The following MAST4 variants were observed in gnomAD, a reference collection of about 807,000 sequenced individuals.
The protein encoded by MAST4 is microtubule associated serine/threonine kinase family member 4, also known as microtubule-associated serine/threonine-protein kinase 4.
A neutral mutation model predicts 162.7 loss-of-function variants in MAST4; 89 were observed. The ratio of observed to expected loss-of-function variants is 0.55; its 90% confidence interval spans 0.46 to 0.65. The LOEUF (loss-of-function observed/expected upper bound fraction) is 0.65, where lower values mean the gene tolerates loss of function less well. Ranked by LOEUF, MAST4 falls within the 30% of genes least tolerant of loss-of-function variation. The probability of loss-of-function intolerance (pLI) is 0.00; values close to 1 mark genes in which losing one functional copy is unlikely to be tolerated. For synonymous variants in MAST4, 1,479 were observed against 1,361.1 expected, an observed-to-expected ratio of 1.09 and a Z score of -1.91; for missense variants, 3,153 against 3,374.0, an observed-to-expected ratio of 0.93 and a Z score of 1.62.
In MAST4 at chr5:67,104,455, T is replaced by C; in HGVS notation, c.1236T>C (p.Ser412=). 8 of 1,613,944 alleles carry C rather than the reference T, an allele frequency of 5.0e-6. No individual in the cohort carries two copies. The highest frequency in any genetic ancestry group is 6.8e-6 in the Non-Finnish European group (8 of 1,179,818). The change falls in exon 10 of 29, where the codon AGT becomes AGC. Residue 412 remains serine (S), a synonymous_variant. Coordinates refer to ENST00000403625, the MANE Select transcript of MAST4 (RefSeq NM_001164664.2). ...TACCCTTAGCAGATGGAGTGCTTAG[T>C]TTCACTCACCACCAGATTATTGAAC... The part of the protein sequence containing the change: ...NVLPLADGVL[S]FTHHQIIELA...
At chr5:66,639,045 A>G (rs1181167812) in intron 1 of MAST4, among the ~76,000 whole-genome samples, 1 of 152,190 alleles carries the variant, frequency 6.6e-6, no homozygotes, top group Non-Finnish European at 1.5e-5. Flanking sequence ...TAGCATGTAG[A>G]TGATATTTAA....
intron 1 of MAST4, among the ~76,000 whole-genome samples, chr5:66,624,851 A>G (rs1328157180): frequency 6.6e-6 from 1 of 152,248 alleles, no homozygotes; most frequent in African/African-American, 2.4e-5. Context: ...GGTCACAGAA[A>G]TCAACTCAAA....
chr5:67,095,526 C>T (rs929190043), intron 6 of MAST4, 71 bp from the exon 7 acceptor site: 2 of 1,172,420 alleles, frequency 1.7e-6, no homozygotes, highest in Non-Finnish European at 1.2e-6. Context: ...ACTAAAAATA[C>T]TTAGTTTCCC....
intron 3 of MAST4, among the ~76,000 whole-genome samples, chr5:66,820,249 A>T (rs149005127): frequency 2.0e-5 from 3 of 152,224 alleles, no homozygotes; most frequent in African/African-American, 7.2e-5. Context: ...ATCTCTAGGT[A>T]TATCTTTTCA....
At chr5:66,664,448 A>AAAAG (rs1333071783) in intron 1 of MAST4, among the ~76,000 whole-genome samples, 14 of 149,434 alleles carry the variant, frequency 9.4e-5, no homozygotes, top group Non-Finnish European at 1.3e-4. Flanking sequence ...AAAAAAAAAA[A>AAAAG]AAAAGAAAAT....
chr5:66,761,385 T>C (rs1753843214), intron 2 of MAST4, among the ~76,000 whole-genome samples: 1 of 152,234 alleles, frequency 6.6e-6, no homozygotes, highest in Non-Finnish European at 1.5e-5. Context: ...TTGTATGTTA[T>C]TAACTATATA....
At chr5:67,095,413 A>G (rs1205273328) in intron 6 of MAST4, among the ~76,000 whole-genome samples, 184 bp from the exon 7 acceptor site, 1 of 152,118 alleles carries the variant, frequency 6.6e-6, no homozygotes, top group African/African-American at 2.4e-5. Flanking sequence ...GGTTGTATTG[A>G]TTCAGTTTAA....
chr5:67,134,415 G>A (rs930982549), intron 17 of MAST4, 108 bp from the exon 18 acceptor site: 1 of 844,924 alleles, frequency 1.2e-6, no homozygotes, highest in Non-Finnish European at 1.8e-6. Flanking sequence ...GTGGTTCCAT[G>A]TGGTTGAGCA....
At chr5:66,737,196 G>A (rs2149565613) in intron 1 of MAST4, among the ~76,000 whole-genome samples, 1 of 152,314 alleles carries the variant, frequency 6.6e-6, no homozygotes, top group South Asian at 2.1e-4. Context: ...GCAGTCCTCT[G>A]ATGGTTTGAC....
chr5:66,949,867 T>C (rs1173769617), intron 4 of MAST4, among the ~76,000 whole-genome samples: 2 of 152,314 alleles, frequency 1.3e-5, no homozygotes, highest in African/African-American at 4.8e-5. Context: ...AAATCCTAGA[T>C]GGCATGATGC....
At chr5:66,599,773 G>A (rs929791204) in intron 1 of MAST4, among the ~76,000 whole-genome samples, 4 of 152,150 alleles carry the variant, frequency 2.6e-5, no homozygotes, top group African/African-American at 9.7e-5. Context: ...CAGTTATTTT[G>A]TGACAAGGCG....
intron 2 of MAST4, among the ~76,000 whole-genome samples, chr5:66,771,324 G>T (rs1754348315): frequency 1.3e-5 from 2 of 151,696 alleles, no homozygotes; most frequent in African/African-American, 4.8e-5. Context: ...AGCTGGGACT[G>T]CAGGCACCCG....
intron 4 of MAST4, among the ~76,000 whole-genome samples, chr5:66,962,279 T>C (rs565205236): frequency 4.6e-5 from 7 of 152,340 alleles, no homozygotes; most frequent in African/African-American, 1.7e-4. Flanking sequence ...TAACATTCTT[T>C]AAGAAACTCT....
rs774394019 is a variant in MAST4 at position 67,130,385 on chromosome 5, C to T, written c.1921C>T (p.Arg641Cys). The change falls in exon 15 of 29, where the codon CGC becomes TGC. Residue 641 changes from arginine to cysteine, a missense_variant. Arg to Cys is a radical substitution (Grantham distance 180, BLOSUM62 -3). Around this residue, in one of 7 missense-constraint regions of MAST4, gnomAD observed 131 missense variants for 253.8 expected, o/e 0.52. Coordinates refer to ENST00000403625, the MANE Select transcript of MAST4 (RefSeq NM_001164664.2). ...CATGTATTGCTCCTTTGAAACAAGG[C>T]GCCACTTGTGCATGGTCATGGAATA... is the stretch of plus-strand genomic sequence containing the variant. ...VSMYCSFETR[R>C]HLCMVMEYVE... 10 of 1,613,916 alleles carry T rather than the reference C, an allele frequency of 6.2e-6. No individual in the cohort carries two copies. The highest frequency in any genetic ancestry group is 1.1e-5 in the South Asian group (1 of 91,082).
intron 4 of MAST4, among the ~76,000 whole-genome samples, chr5:66,948,291 G>A (rs1236017315): frequency 6.6e-6 from 1 of 152,174 alleles, no homozygotes; most frequent in Non-Finnish European, 1.5e-5. Context: ...AGATACGTGT[G>A]CAATCTGATT....
At chr5:66,937,413 C>G (rs559027570) in intron 4 of MAST4, among the ~76,000 whole-genome samples, 6 of 152,264 alleles carry the variant, frequency 3.9e-5, no homozygotes, top group African/African-American at 1.4e-4. Flanking sequence ...AGGCATGGAA[C>G]AAATGTTAAT....
intron 2 of MAST4, among the ~76,000 whole-genome samples, chr5:66,765,962 A>G (rs983960445): frequency 3.0e-4 from 46 of 152,224 alleles, no homozygotes; most frequent in Admixed American, 2.2e-3. Context: ...GAAGGTCCAC[A>G]GCTTGCTAAA....
At chr5:66,977,566 G>A (rs959161181) in intron 4 of MAST4, among the ~76,000 whole-genome samples, 18 of 152,122 alleles carry the variant, frequency 1.2e-4, no homozygotes, top group Non-Finnish European at 2.9e-5. Context: ...GCATGATCTT[G>A]TTTATTCAGT....
intron 4 of MAST4, among the ~76,000 whole-genome samples, chr5:67,010,555 C>A (rs890423557): frequency 6.6e-6 from 1 of 152,080 alleles, no homozygotes; most frequent in African/African-American, 2.4e-5. Context: ...ATAATAAACA[C>A]GGGACTTACT....
Sources: gnomAD v4.1 joint callset for allele counts (sites outside exome capture counted in the v4.1 genomes callset) on GRCh38, gnomAD v4.1.1 for gene constraint, gnomAD v4.1.1 regional missense constraint, MANE v1.5 for transcripts, NCBI Gene and HGNC (gene_info 2026-07-23, HGNC 2026-07-21) for gene names.